The following IL6 variants were observed in gnomAD, a reference collection of about 807,000 sequenced individuals.
IL6 encodes interleukin-6.
IL6 carries 5 observed loss-of-function variants against 18.0 expected under a neutral mutation model. The ratio of observed to expected loss-of-function variants is 0.28; its 90% CI spans 0.15 to 0.58. The LOEUF (loss-of-function observed/expected upper bound fraction) is 0.58, where lower values mean the gene tolerates loss of function less well. IL6 is among the 20% of genes least tolerant of loss of function. The pLI is 0.90. For missense variants in IL6, 266 were observed against 251.0 expected (o/e 1.06, Z -0.40); for synonymous variants, 97 against 95.1 (o/e 1.02, Z -0.12).
intron 4 of IL6, 96 bp downstream of exon 4, chr7:22,729,756 G>C (rs756811740): frequency 1.2e-6 from 2 of 1,601,044 alleles, no homozygotes; most frequent in East Asian, 2.2e-5. Context: ...ACTTCCAAAA[G>C]AGAAGGCTAC....
Position 22,727,654 on chromosome 7 carries a change from G to A in IL6, c.210+20G>A, listed in dbSNP as rs1784037949. On this transcript the variant is annotated intron_variant, in intron 2 of 4. Transcript: ENST00000258743. ...AAGGAGGTGGGTAGGCTTGGCGATG[G>A]GGTTGAAGGGCCCGGTGCGCATGCG... 1 of 1,530,418 alleles carries A rather than the reference G, an allele frequency of 6.5e-7. No individual in the cohort carries two copies. Among genetic ancestry groups the A allele is most frequent in the South Asian group, 1.3e-5 (1 of 76,196 alleles). 94.8% of individuals were successfully genotyped at this position (1,530,418 alleles called of 1,614,324 possible).
Position 22,728,697 on chromosome 7 carries a change from G to C in IL6, c.215G>C (p.Cys72Ser). The C allele has an allele frequency of 6.3e-7, 1 of 1,587,998 alleles. No individual in the cohort carries two copies. Among genetic ancestry groups the C allele is most frequent in the East Asian group, 2.2e-5 (1 of 44,730 alleles). The change falls in exon 3 of 5, where the codon TGT becomes TCT. Residue 72 changes from cysteine to serine, a missense_variant. Coordinates refer to ENST00000258743, the MANE Select transcript of IL6 (RefSeq NM_000600.5). Reference sequence around the variant, plus strand: ...AATTCTGGTATTCTTTCCCAGACATGTAACAAGAGTAACATGTGTGAAAGC... The same window carrying C: ...AATTCTGGTATTCTTTCCCAGACATCTAACAAGAGTAACATGTGTGAAAGC... ...DGISALRKET[C>S]NKSNMCESSK...
At position 22,729,389 on chromosome 7, in the gene IL6, C is replaced by T. The variant is rs1175304806; in HGVS notation, c.325-125C>T. On this transcript the variant is annotated intron_variant, in intron 3 of 4. Coordinates refer to ENST00000258743, the MANE Select transcript of IL6 (RefSeq NM_000600.5). ...TGTCCAATGTCCCAAAACATGCTGC[C>T]TAAGAGGTACTTGAAGTTCTCTAGA... 11 of 839,888 alleles carry T rather than the reference C, an allele frequency of 1.3e-5. No homozygotes were observed. In the Admixed American group the frequency reaches 1.9e-4, roughly 15 times the overall value. 52.0% of individuals were successfully genotyped at this position (839,888 alleles called of 1,614,324 possible). A position where few individuals can be genotyped will look rare whatever the true frequency, so the allele number is the denominator to read the frequency against.
intron 2 of IL6, 184 bp from the exon 3 acceptor site, chr7:22,728,509 T>A: frequency 1.7e-6 from 1 of 572,434 alleles, no homozygotes; most frequent in South Asian, 2.3e-5. Context: ...AAGTCACAGG[T>A]GAGCTTGGAA....
rs1002577527 is a variant in IL6, at chr7:22,731,988, T to C, written c.*415T>C. 2 of 149,164 alleles carry C rather than the reference T, an allele frequency of 1.3e-5. No homozygotes were observed. Among genetic ancestry groups the C allele is most frequent in the African/African-American group, 4.9e-5 (2 of 40,752 alleles). The allele number at this position is 149,164 out of a possible 1,614,324, so 9.2% of individuals were successfully genotyped here. ...GTTTTTATACCAATAAATGGCATTT[T>C]AAAAAATTCAGCAACTTTGAGTGTG... On this transcript the variant is annotated 3_prime_UTR_variant, in exon 5 of 5. Coordinates refer to ENST00000258743, the MANE Select transcript of IL6 (RefSeq NM_000600.5).
At chr7:22,728,481 G>A in intron 2 of IL6, 1 of 538,384 alleles carries the variant, frequency 1.9e-6, no homozygotes, top group South Asian at 2.7e-5. Flanking sequence ...TGAGACTCAG[G>A]ATTAAGTAAC....
At chr7:22,729,744 C>T in intron 4 of IL6, 84 bp downstream of exon 4, 1 of 1,607,068 alleles carries the variant, frequency 6.2e-7, no homozygotes, top group South Asian at 1.1e-5. Context: ...GGATGCAATG[C>T]CACTTCCAAA....
intron 2 of IL6, among the ~76,000 whole-genome samples, chr7:22,727,937 C>A (rs1017759367): frequency 1.3e-5 from 2 of 152,182 alleles, no homozygotes; most frequent in African/African-American, 4.8e-5. Flanking sequence ...GTCTGTGAAG[C>A]TCCTTTTTGT....
intron 4 of IL6, chr7:22,730,491 G>T (rs1423610294): frequency 6.4e-6 from 1 of 156,486 alleles, no homozygotes; most frequent in African/African-American, 2.4e-5. Flanking sequence ...CATATGGTGG[G>T]TCTATGGAAA....
At position 22,731,950 on chromosome 7, in the gene IL6, T is replaced by A. The variant is rs1784133125; in HGVS notation, c.*377T>A. 1 of 150,558 alleles carries A rather than the reference T, an allele frequency of 6.6e-6. No homozygotes were observed. Among genetic ancestry groups the A allele is most frequent in the African/African-American group, 2.4e-5 (1 of 41,092 alleles). 9.3% of individuals were successfully genotyped at this position (150,558 alleles called of 1,614,324 possible). A position where few individuals can be genotyped will look rare whatever the true frequency, so the allele number is the denominator to read the frequency against. On this transcript the variant is annotated 3_prime_UTR_variant, in exon 5 of 5. Transcript: ENST00000258743. ...AAGAAATATTTATATTGTATTTATA[T>A]AATGTATAAATGGTTTTTATACCAA...
intron 4 of IL6, 35 bp downstream of exon 4, chr7:22,729,695 G>A: frequency 6.2e-7 from 1 of 1,614,044 alleles, no homozygotes; most frequent in Non-Finnish European, 8.5e-7. Flanking sequence ...CTTGGTGTGG[G>A]GGAAGACAGG....
rs765378428 is a variant in IL6 at position 22,727,292 on chromosome 7, G to A, written c.19+11G>A. 10 of 1,614,010 alleles carry A rather than the reference G, an allele frequency of 6.2e-6. No homozygotes were observed. The highest frequency in any genetic ancestry group is 8.5e-6 in the Non-Finnish European group (10 of 1,180,010). On this transcript the variant is annotated intron_variant, in intron 1 of 4. Transcript: ENST00000258743. ...ACTCCTTCTCCACAAGTAAGTGCAG[G>A]AAATCCTTAGCCCTGGAACTGCCAG... is the stretch of plus-strand genomic sequence containing the variant.
chr7:22,728,693 A>G lies in IL6; in HGVS notation c.211A>G (p.Thr71Ala), dbSNP rs1784062484. The G allele has an allele frequency of 1.9e-6, 3 of 1,577,244 alleles. No homozygotes were observed. Among genetic ancestry groups the G allele is most frequent in the East Asian group, 2.2e-5 (1 of 44,682 alleles). The stretch of plus-strand genomic sequence containing the variant: ...TAACAATTCTGGTATTCTTTCCCAG[A>G]CATGTAACAAGAGTAACATGTGTGA... ...LDGISALRKE[T>A]CNKSNMCESS... The change falls in exon 3 of 5, where the codon ACA (threonine) becomes GCA (alanine). Residue 71 changes from threonine to alanine, a missense_variant and splice_region_variant. Transcript: ENST00000258743.
At chr7:22,729,726 C>A (rs755528306) in intron 4 of IL6, 66 bp downstream of exon 4, 2 of 1,611,830 alleles carry the variant, frequency 1.2e-6, no homozygotes, top group Non-Finnish European at 1.7e-6. Context: ...GTGTCCTGGA[C>A]AACTCAGGGA....
intron 4 of IL6, 36 bp downstream of exon 4, chr7:22,729,696 G>C (rs375034741): frequency 1.2e-6 from 2 of 1,613,878 alleles, no homozygotes; most frequent in African/African-American, 2.7e-5. Flanking sequence ...TTGGTGTGGG[G>C]GAAGACAGGC....
At chr7:22,731,370 A>T in intron 4 of IL6, 36 bp from the exon 5 acceptor site, 1 of 1,500,432 alleles carries the variant, frequency 6.7e-7, no homozygotes, top group Non-Finnish European at 9.0e-7. Flanking sequence ...TTTATTCAAC[A>T]TTTAAACAAT....
Position 22,731,637 on chromosome 7 carries a change from T to C in IL6, c.*64T>C. ...TTCTTCTGGTCAGAAACCTGTCCAC[T>C]GGGCACAGAACTTATGTTGTTCTCT... On this transcript the variant is annotated 3_prime_UTR_variant, in exon 5 of 5. Coordinates refer to ENST00000258743, the MANE Select transcript of IL6 (RefSeq NM_000600.5). 4 of 1,292,396 alleles carry C rather than the reference T, an allele frequency of 3.1e-6. No individual in the cohort carries two copies. The highest frequency in any genetic ancestry group is 3.2e-6 in the Non-Finnish European group (3 of 943,824). 80.1% of individuals were successfully genotyped at this position (1,292,396 alleles called of 1,614,324 possible).
At position 22,728,643 on chromosome 7, in the gene IL6, G is replaced by A. The variant is rs199677722; in HGVS notation, c.211-50G>A. On this transcript the variant is annotated intron_variant, in intron 2 of 4. Coordinates refer to ENST00000258743, the MANE Select transcript of IL6 (RefSeq NM_000600.5). ...AACAATGAAAAGGCCCTCTAGTGGT[G>A]TTTGTTTTAGGGACACTTAGGTGAT... is the stretch of plus-strand genomic sequence containing the variant. 1.3e-5 allele frequency: 14 copies of A among 1,060,944 alleles called. No homozygotes were observed. The South Asian group carries it at 1.8e-4, about 13-fold the overall frequency. The allele number at this position is 1,060,944 out of a possible 1,614,324, so 65.7% of individuals were successfully genotyped here.
chr7:22,727,345 G>C, intron 1 of IL6, 64 bp downstream of exon 1: 1 of 1,613,884 alleles, frequency 6.2e-7, no homozygotes. Flanking sequence ...GTGAGGGAGG[G>C]GTGTGTGGCC....
Sources: gnomAD v4.1 joint callset for allele counts (sites outside exome capture counted in the v4.1 genomes callset) on GRCh38, gnomAD v4.1.1 for gene constraint, MANE v1.5 for transcripts, NCBI Gene and HGNC (gene_info 2026-07-23, HGNC 2026-07-21) for gene names.